The following SLC9A9 variants were observed in gnomAD, a reference collection of about 807,000 sequenced individuals.
The protein encoded by SLC9A9 is sodium/hydrogen exchanger 9.
SLC9A9 carries 62 observed loss-of-function variants against 77.8 expected under a neutral mutation model. The ratio of observed to expected loss-of-function variants is 0.80; its 90% CI spans 0.65 to 0.98. The LOEUF (loss-of-function observed/expected upper bound fraction) is 0.98. Ranked by LOEUF, SLC9A9 falls within the 50% of genes least tolerant of loss-of-function variation. The pLI is 0.00. For synonymous variants in SLC9A9, 320 were observed against 283.5 expected (o/e 1.13, Z -1.29); for missense variants, 775 against 774.9 (o/e 1.00, Z 0.00).
At chr3:143,466,922 T>A (rs2035288745) in intron 12 of SLC9A9, 115 bp downstream of exon 12, 11 of 1,323,248 alleles carry the variant, frequency 8.3e-6, no homozygotes, top group Non-Finnish European at 1.2e-5. Context: ...ACTTGACTGC[T>A]GGGAAAGTTA....
intron 14 of SLC9A9, among the ~76,000 whole-genome samples, chr3:143,294,396 C>G (rs2030158486): frequency 6.6e-6 from 1 of 152,176 alleles, no homozygotes; most frequent in Non-Finnish European, 1.5e-5. Flanking sequence ...AAAGTCCTTA[C>G]AGTGCATTTT....
chr3:143,778,143 T>C (rs1308708745), intron 4 of SLC9A9, among the ~76,000 whole-genome samples: 1 of 151,674 alleles, frequency 6.6e-6, no homozygotes, highest in African/African-American at 2.4e-5. Flanking sequence ...TTTCAATCAC[T>C]GTGTATGTTT....
At chr3:143,662,198 T>C (rs189298357) in intron 5 of SLC9A9, among the ~76,000 whole-genome samples, 239 of 152,340 alleles carry the variant, frequency 1.6e-3, no homozygotes, top group African/African-American at 5.4e-3. Flanking sequence ...TTGTACTAGA[T>C]ACTGCAGCAT....
intron 6 of SLC9A9, among the ~76,000 whole-genome samples, chr3:143,635,675 G>A (rs752238790): frequency 1.3e-5 from 2 of 152,110 alleles, no homozygotes; most frequent in Admixed American, 1.3e-4. Flanking sequence ...TGTTTTGAGG[G>A]GTCAGACTAT....
At chr3:143,345,266 A>G (rs1003151708) in intron 14 of SLC9A9, among the ~76,000 whole-genome samples, 20 of 152,346 alleles carry the variant, frequency 1.3e-4, no homozygotes, top group African/African-American at 4.8e-4. Context: ...CAAAGAAAAG[A>G]AGGGGGCCTT....
intron 14 of SLC9A9, among the ~76,000 whole-genome samples, chr3:143,334,098 A>T (rs2031856200): frequency 6.6e-6 from 1 of 152,258 alleles, no homozygotes; most frequent in African/African-American, 2.4e-5. Flanking sequence ...ACATTTGTAT[A>T]TGCCAATCAA....
At chr3:143,540,135 C>T (rs747931323) in intron 9 of SLC9A9, among the ~76,000 whole-genome samples, 15 of 151,840 alleles carry the variant, frequency 9.9e-5, no homozygotes, top group Non-Finnish European at 1.6e-4. Context: ...CAAGACATTG[C>T]CTATTGGGTA....
chr3:143,677,823 C>CTTTTTTTTTTTTT (rs553429664), intron 5 of SLC9A9, among the ~76,000 whole-genome samples: 1 of 110,270 alleles, frequency 9.1e-6, no homozygotes, highest in Non-Finnish European at 1.8e-5. Flanking sequence ...TCTTCAGAGT[C>CTTTTTTTTTTTTT]TTTTTTTTTT....
At chr3:143,376,614 T>C (rs185024817) in intron 13 of SLC9A9, among the ~76,000 whole-genome samples, 52 of 152,346 alleles carry the variant, frequency 3.4e-4, no homozygotes, top group Non-Finnish European at 6.9e-4. Flanking sequence ...TTATCATTCC[T>C]ACTTTCTAGA....
At chr3:143,318,642 A>G (rs192065516) in intron 14 of SLC9A9, among the ~76,000 whole-genome samples, 1 of 152,314 alleles carries the variant, frequency 6.6e-6, no homozygotes, top group Admixed American at 6.5e-5. Flanking sequence ...CGAACTTGCC[A>G]GAGTCCTCAC....
intron 9 of SLC9A9, among the ~76,000 whole-genome samples, chr3:143,498,801 A>C (rs930790874): frequency 2.6e-5 from 4 of 152,148 alleles, no homozygotes; most frequent in African/African-American, 4.8e-5. Context: ...TCAGTTTTAT[A>C]TGAATGGAAT....
In SLC9A9 at chr3:143,829,313, T is replaced by C. The variant is rs143814253; in HGVS notation, c.378+2706A>G. Among the ~76,000 whole-genome samples the C allele has an allele frequency of 9.2e-4, 140 of 152,266 alleles. 4 individuals are homozygous for C. The East Asian group carries it at 0.026, about 28-fold the overall frequency. On this transcript the variant is annotated intron_variant, in intron 2 of 15. Coordinates refer to ENST00000316549, the MANE Select transcript of SLC9A9 (RefSeq NM_173653.4). The stretch of plus-strand genomic sequence containing the variant: ...AACTTAGACTCTTCTCTTCACACTG[T>C]TCCTACAAATCAGGCAGGCTCTGTT...
intron 2 of SLC9A9, among the ~76,000 whole-genome samples, chr3:143,800,482 C>T (rs1202210854): frequency 1.3e-5 from 2 of 152,206 alleles, no homozygotes; most frequent in Admixed American, 6.5e-5. Context: ...AACCCATATA[C>T]TCTTTTGTCC....
intron 4 of SLC9A9, among the ~76,000 whole-genome samples, chr3:143,748,860 C>T (rs1007140662): frequency 1.3e-5 from 2 of 151,456 alleles, no homozygotes; most frequent in African/African-American, 2.4e-5. Flanking sequence ...CCCGCCACCG[C>T]GCCCGGCTAA....
At chr3:143,575,868 G>A (rs1053599751) in intron 7 of SLC9A9, among the ~76,000 whole-genome samples, 1 of 152,160 alleles carries the variant, frequency 6.6e-6, no homozygotes, top group Non-Finnish European at 1.5e-5. Context: ...AAGGTGAGGA[G>A]GACAACAGTA....
chr3:143,284,876 G>C (rs1167392033), intron 14 of SLC9A9, among the ~76,000 whole-genome samples: 1 of 152,150 alleles, frequency 6.6e-6, no homozygotes, highest in Non-Finnish European at 1.5e-5. Context: ...AATCTTCCAA[G>C]CCCAGCAATA....
intron 5 of SLC9A9, among the ~76,000 whole-genome samples, chr3:143,668,542 C>A (rs1290905294): frequency 2.0e-5 from 3 of 152,130 alleles, no homozygotes; most frequent in Non-Finnish European, 4.4e-5. Context: ...CAATAAATAG[C>A]CTATAAACAC....
At chr3:143,711,535 G>A (rs1934193887) in intron 4 of SLC9A9, among the ~76,000 whole-genome samples, 1 of 151,616 alleles carries the variant, frequency 6.6e-6, no homozygotes, top group Non-Finnish European at 1.5e-5. Context: ...GAGTAGCTGG[G>A]ACTACAGGTG....
intron 12 of SLC9A9, among the ~76,000 whole-genome samples, chr3:143,456,373 A>G (rs1007728331): frequency 1.3e-5 from 2 of 152,046 alleles, no homozygotes; most frequent in Non-Finnish European, 2.9e-5. Flanking sequence ...TATTGTGATG[A>G]TGTTTTACTT....
Sources: allele counts gnomAD v4.1 joint callset (sites outside exome capture counted in the v4.1 genomes callset), GRCh38; gene constraint gnomAD v4.1.1; transcripts MANE v1.5; gene names NCBI Gene and HGNC (gene_info 2026-07-23, HGNC 2026-07-21).